The following ANK3 variants were observed in gnomAD, a reference collection of about 807,000 sequenced individuals.
ANK3 encodes the protein ankyrin-3.
In ANK3, 57 loss-of-function variants were observed where a neutral mutation model predicts 370.9. The observed-to-expected ratio is 0.15, with a 90% confidence interval of 0.12 to 0.19. The LOEUF is 0.19. Ranked by LOEUF, ANK3 falls within the 10% of genes least tolerant of loss-of-function variation. The probability of loss-of-function intolerance (pLI) is 1.00; values close to 1 mark genes in which losing one functional copy is unlikely to be tolerated. For synonymous variants in ANK3, 1,929 were observed against 1,946.3 expected (o/e 0.99, Z 0.23); for missense variants, 4,439 against 5,302.1 (o/e 0.84, Z 5.06).
chr10:60,537,924 G>A (rs1275179573), intron 2 of ANK3, among the ~76,000 whole-genome samples: 1 of 151,840 alleles, frequency 6.6e-6, no homozygotes, highest in Non-Finnish European at 1.5e-5. Flanking sequence ...CTCCTATAAT[G>A]TGTGATTCAT....
At chr10:60,134,182 A>T in intron 25 of ANK3, 89 bp downstream of exon 25, 1 of 1,061,248 alleles carries the variant, frequency 9.4e-7, no homozygotes. Context: ...ACATGCAGAA[A>T]TATATTTTTT....
chr10:60,379,618 G>C (rs1171460707), intron 1 of ANK3, among the ~76,000 whole-genome samples: 1 of 151,948 alleles, frequency 6.6e-6, no homozygotes, highest in East Asian at 1.9e-4. Context: ...GCCAGGAACA[G>C]GAAGTTACAC....
At chr10:60,708,878 A>G (rs2079658266) in intron 1 of ANK3, among the ~76,000 whole-genome samples, 1 of 152,208 alleles carries the variant, frequency 6.6e-6, no homozygotes, top group African/African-American at 2.4e-5. Context: ...TATTTAAGAA[A>G]GAGTCTCTAA....
intron 16 of ANK3, among the ~76,000 whole-genome samples, chr10:60,189,223 C>A (rs761947549): frequency 6.6e-6 from 1 of 152,104 alleles, no homozygotes; most frequent in African/African-American, 2.4e-5. Flanking sequence ...TCAGGCATGG[C>A]GGTGCATGCC....
Position 60,578,730 on chromosome 10 carries a change from C to G in ANK3, c.96+36456G>C, listed in dbSNP as rs116431745. Among the ~76,000 whole-genome samples the G allele has an allele frequency of 4.6e-3, 702 of 152,242 alleles. 5 individuals carry two copies. Among genetic ancestry groups the G allele is most frequent in the African/African-American group, 0.016 (672 of 41,544 alleles). On this transcript the variant is annotated intron_variant, in intron 2 of 43. Transcript: ENST00000373827. ...TTTATTATCAAATATCCATCCAACA[C>G]AGCAGCTTTCCAACTCTCCATATTC...
intron 2 of ANK3, among the ~76,000 whole-genome samples, chr10:60,581,967 T>G (rs1246740673): frequency 6.6e-6 from 1 of 152,148 alleles, no homozygotes; most frequent in East Asian, 1.9e-4. Flanking sequence ...TCATGTTATT[T>G]GCAGGGACAT....
intron 1 of ANK3, among the ~76,000 whole-genome samples, chr10:60,340,634 A>T (rs2054057152): frequency 6.6e-6 from 1 of 151,878 alleles, no homozygotes; most frequent in Non-Finnish European, 1.5e-5. Context: ...CTGGTCTCGA[A>T]CTCCTGGGCT....
chr10:60,172,118 T>G (rs2095807537), intron 21 of ANK3, among the ~76,000 whole-genome samples, 190 bp downstream of exon 21: 1 of 152,232 alleles, frequency 6.6e-6, no homozygotes, highest in African/African-American at 2.4e-5. Flanking sequence ...TAGGTATTCT[T>G]AGTGTTTTAA....
intron 2 of ANK3, among the ~76,000 whole-genome samples, chr10:60,533,567 G>A (rs546363450): frequency 4.0e-4 from 61 of 152,244 alleles, no homozygotes; most frequent in Admixed American, 2.6e-3. Flanking sequence ...ACTGGAAAAA[G>A]CAAGTGGAGG....
intron 1 of ANK3, among the ~76,000 whole-genome samples, chr10:60,292,154 G>T (rs1255278721): frequency 1.3e-5 from 2 of 152,140 alleles, no homozygotes; most frequent in Non-Finnish European, 1.5e-5. Context: ...TTAATAAAAT[G>T]TTTATATTTG....
chr10:60,470,887 C>A (rs2065201476), intron 2 of ANK3, among the ~76,000 whole-genome samples: 1 of 152,106 alleles, frequency 6.6e-6, no homozygotes, highest in African/African-American at 2.4e-5. Context: ...AAATTAAAAG[C>A]AGTCATCCTT....
chr10:60,282,869 G>A (rs12781443), intron 1 of ANK3, among the ~76,000 whole-genome samples: 16,223 of 152,092 alleles, frequency 0.11, 1,133 homozygotes, highest in Non-Finnish European at 0.16. Flanking sequence ...AAGAAGAGGC[G>A]AATGAAGACT....
chr10:60,348,360 A>C (rs1202173297), intron 1 of ANK3, among the ~76,000 whole-genome samples: 7 of 111,718 alleles, frequency 6.3e-5, no homozygotes, highest in Admixed American at 9.6e-5. Context: ...AAAAAAAAAA[A>C]AAAAAAAAAA....
intron 8 of ANK3, among the ~76,000 whole-genome samples, chr10:60,218,762 G>C (rs1357451419): frequency 2.6e-5 from 4 of 151,776 alleles, no homozygotes; most frequent in Non-Finnish European, 5.9e-5. Flanking sequence ...TATGTGTCTC[G>C]GGGTTGATCT....
intron 23 of ANK3, among the ~76,000 whole-genome samples, chr10:60,159,995 G>T (rs1262872377): frequency 1.3e-5 from 2 of 152,016 alleles, no homozygotes; most frequent in African/African-American, 4.8e-5. Context: ...ACAACTGAAT[G>T]AGGCAGCTTA....
intron 2 of ANK3, among the ~76,000 whole-genome samples, chr10:60,613,697 T>C (rs1324712686): frequency 2.6e-5 from 4 of 151,988 alleles, no homozygotes; most frequent in African/African-American, 9.7e-5. Context: ...GACTACATTA[T>C]CATTCTTAGG....
intron 2 of ANK3, among the ~76,000 whole-genome samples, chr10:60,613,412 C>T (rs536497282): frequency 1.4e-4 from 22 of 152,254 alleles, no homozygotes; most frequent in East Asian, 3.9e-4. Context: ...AGTTAGTTAA[C>T]GTATGGCTCC....
At chr10:60,366,652 G>C (rs2059425595) in intron 1 of ANK3, among the ~76,000 whole-genome samples, 1 of 152,006 alleles carries the variant, frequency 6.6e-6, no homozygotes, top group Non-Finnish European at 1.5e-5. Context: ...AGGGAAGGAG[G>C]AAAGAGGGGA....
At chr10:60,345,744 A>G (rs1190680577) in intron 1 of ANK3, among the ~76,000 whole-genome samples, 1 of 152,134 alleles carries the variant, frequency 6.6e-6, no homozygotes, top group Non-Finnish European at 1.5e-5. Context: ...ATATTCATTA[A>G]AAATCACGAG....
Sources: gnomAD v4.1 joint callset for allele counts (sites outside exome capture counted in the v4.1 genomes callset) on GRCh38, gnomAD v4.1.1 for gene constraint, MANE v1.5 for transcripts, NCBI Gene and HGNC (gene_info 2026-07-23, HGNC 2026-07-21) for gene names.